Variants in RABGAP1L observed in about 807,000 individuals in gnomAD.
RABGAP1L encodes the protein RAB GTPase activating protein 1 like.
RABGAP1L carries 63 observed loss-of-function variants against 137.7 expected under a neutral mutation model. The observed-to-expected ratio is 0.46, with a 90% CI of 0.37 to 0.56. RABGAP1L has a LOEUF of 0.56. RABGAP1L is among the 20% of genes least tolerant of loss of function. The probability of loss-of-function intolerance (pLI) is 0.00; values close to 1 mark genes in which losing one functional copy is unlikely to be tolerated. For synonymous variants in RABGAP1L, 431 were observed against 433.7 expected, an observed-to-expected ratio of 0.99 and a Z score of 0.08; for missense variants, 1,095 against 1,244.0, an observed-to-expected ratio of 0.88 and a Z score of 1.80.
intron 11 of RABGAP1L, among the ~76,000 whole-genome samples, chr1:174,318,374 C>T (rs12097252): frequency 0.27 from 41,348 of 151,970 alleles, 6,081 homozygotes; most frequent in African/African-American, 0.36. Context: ...AAGTGAGTCT[C>T]AGGTGAGTTT....
chr1:174,549,870 A>G (rs1666294347), intron 13 of RABGAP1L, among the ~76,000 whole-genome samples: 1 of 152,132 alleles, frequency 6.6e-6, no homozygotes, highest in Non-Finnish European at 1.5e-5. Flanking sequence ...AAATAATCTT[A>G]TGACAGCTGA....
At chr1:174,932,573 A>C (rs575908523) in intron 19 of RABGAP1L, among the ~76,000 whole-genome samples, 57 of 152,250 alleles carry the variant, frequency 3.7e-4, no homozygotes, top group Admixed American at 1.2e-3. Flanking sequence ...CATTTGACCA[A>C]GGTGATTTCT....
chr1:174,349,926 C>T, intron 11 of RABGAP1L, among the ~76,000 whole-genome samples: 1 of 141,660 alleles, frequency 7.1e-6, no homozygotes, highest in Non-Finnish European at 1.6e-5. Flanking sequence ...CCCCCCACCT[C>T]CCTCCCGGAC....
rs1431661632 is a variant in RABGAP1L at position 174,448,829 on chromosome 1, C to T, written c.1710+54684C>T. ...TCAGCACACCAAAGAGATAAATGAC[C>T]GAAGAGCCCGATTCCCTAGTCATGA... On this transcript the variant is annotated intron_variant, in intron 13 of 25. Coordinates refer to ENST00000681986, the MANE Select transcript of RABGAP1L (RefSeq NM_001366446.1). The surrounding 1 kb of genome is among the most constrained non-coding windows in gnomAD (Gnocchi z 4.2). 1.7e-5 allele frequency: 28 copies of T among 1,614,034 alleles called. No homozygotes were observed. The highest frequency in any genetic ancestry group is 2.2e-5 in the Non-Finnish European group (26 of 1,179,958).
At chr1:174,856,409 A>G (rs199791927) in intron 19 of RABGAP1L, among the ~76,000 whole-genome samples, 188 of 149,956 alleles carry the variant, frequency 1.3e-3, no homozygotes, top group Non-Finnish European at 1.9e-3. Flanking sequence ...AAAAAAAAAA[A>G]AAAAGAAAAG....
chr1:174,201,105 T>C (rs1388957989), intron 1 of RABGAP1L, among the ~76,000 whole-genome samples: 1 of 152,126 alleles, frequency 6.6e-6, no homozygotes, highest in Admixed American at 6.5e-5. Context: ...AGAAACTATT[T>C]TTTAATTTTA....
intron 13 of RABGAP1L, among the ~76,000 whole-genome samples, chr1:174,447,766 G>T (rs1571857076): frequency 2.0e-5 from 3 of 150,434 alleles, no homozygotes; most frequent in African/African-American, 7.5e-5. Flanking sequence ...AAGATAATAA[G>T]AAGTCTATTT....
intron 1 of RABGAP1L, among the ~76,000 whole-genome samples, chr1:174,210,807 A>G (rs1404370557): frequency 6.6e-6 from 1 of 152,198 alleles, no homozygotes; most frequent in African/African-American, 2.4e-5. Context: ...TAATAATCAG[A>G]CTTCCAAAGG....
intron 1 of RABGAP1L, among the ~76,000 whole-genome samples, chr1:174,166,735 T>A (rs1664942469): frequency 1.3e-5 from 2 of 152,226 alleles, no homozygotes; most frequent in Admixed American, 1.3e-4. Flanking sequence ...TAGTGTGTAG[T>A]CGATTTGAAG....
At chr1:174,975,391 G>A (rs777859009) in intron 21 of RABGAP1L, among the ~76,000 whole-genome samples, 13 of 152,194 alleles carry the variant, frequency 8.5e-5, no homozygotes, top group Admixed American at 5.2e-4. Context: ...AGAGCCTGAC[G>A]TGTTAAATAG....
At chr1:174,473,724 C>T (rs749181818) in intron 13 of RABGAP1L, among the ~76,000 whole-genome samples, 1 of 152,144 alleles carries the variant, frequency 6.6e-6, no homozygotes, top group Non-Finnish European at 1.5e-5. Flanking sequence ...TGTTTAGAAT[C>T]CACATATGTA....
At chr1:174,924,871 A>T (rs1364015839) in intron 19 of RABGAP1L, among the ~76,000 whole-genome samples, 7 of 152,204 alleles carry the variant, frequency 4.6e-5, no homozygotes, top group Non-Finnish European at 1.0e-4. Flanking sequence ...AAAAATCCAT[A>T]GTACTGTATA....
chr1:174,701,773 A>ATG (rs1166241508), intron 16 of RABGAP1L, among the ~76,000 whole-genome samples: 2 of 151,960 alleles, frequency 1.3e-5, no homozygotes, highest in African/African-American at 4.8e-5. Context: ...TTAACCCTGA[A>ATG]TGGGGATGCT....
At chr1:174,313,058 G>C (rs1197604777) in intron 11 of RABGAP1L, among the ~76,000 whole-genome samples, 2 of 152,056 alleles carry the variant, frequency 1.3e-5, no homozygotes, top group Non-Finnish European at 1.5e-5. Context: ...CTCCCGAGTA[G>C]CTGGGACTAC....
chr1:174,196,367 G>A (rs1359257713), intron 1 of RABGAP1L, among the ~76,000 whole-genome samples: 1 of 151,576 alleles, frequency 6.6e-6, no homozygotes, highest in African/African-American at 2.4e-5. Context: ...GGGACTACAG[G>A]TGCCCGCCAC....
At chr1:174,747,402 TAAAAAAAA>T (rs35889834) in intron 17 of RABGAP1L, among the ~76,000 whole-genome samples, 2 of 81,934 alleles carry the variant, frequency 2.4e-5, no homozygotes, top group South Asian at 4.6e-4. Context: ...ATTCTATCTC[TAAAAAAAA>T]AAAAAAAAAA....
At chr1:174,568,850 A>G (rs1206854750) in intron 13 of RABGAP1L, among the ~76,000 whole-genome samples, 1 of 151,898 alleles carries the variant, frequency 6.6e-6, no homozygotes, top group Admixed American at 6.6e-5. Context: ...ATAGATAAAC[A>G]AAAGGGAACA....
chr1:174,389,641 G>A (rs1023391033), intron 12 of RABGAP1L, among the ~76,000 whole-genome samples: 11 of 151,980 alleles, frequency 7.2e-5, no homozygotes, highest in Non-Finnish European at 1.3e-4. Flanking sequence ...TTCTAAAAAA[G>A]CATTCTTTTT....
At chr1:174,948,509 C>CAAA (rs3086627) in intron 19 of RABGAP1L, among the ~76,000 whole-genome samples, 3,483 of 64,522 alleles carry the variant, frequency 0.054, 427 homozygotes, top group African/African-American at 0.18. Flanking sequence ...GACCCTGCCT[C>CAAA]AAAAAAAAAA....
Sources: allele counts gnomAD v4.1 joint callset (sites outside exome capture counted in the v4.1 genomes callset), GRCh38; gene constraint gnomAD v4.1.1; non-coding constraint Gnocchi (gnomAD v3.1); transcripts MANE v1.5; gene names NCBI Gene and HGNC (gene_info 2026-07-23, HGNC 2026-07-21).